The following TTBK2 variants were observed in gnomAD, a reference collection of about 807,000 sequenced individuals.
TTBK2 encodes tau-tubulin kinase 2.
Under a neutral mutation model 110.8 loss-of-function variants are expected in TTBK2, and 28 were observed. The ratio of observed to expected loss-of-function variants is 0.25; its 90% confidence interval spans 0.19 to 0.35. The LOEUF (loss-of-function observed/expected upper bound fraction) is 0.35. Ranked by LOEUF, TTBK2 falls within the 10% of genes least tolerant of loss-of-function variation. The pLI is 1.00. For missense variants in TTBK2, 1,369 were observed against 1,500.3 expected, an observed-to-expected ratio of 0.91 and a Z score of 1.45; for synonymous variants, 532 against 527.3, an observed-to-expected ratio of 1.01 and a Z score of -0.12.
At chr15:42,763,106 A>ACG (rs1567008453) in intron 13 of TTBK2, among the ~76,000 whole-genome samples, 17 of 113,516 alleles carry the variant, frequency 1.5e-4, no homozygotes, top group African/African-American at 5.9e-4. Flanking sequence ...ATATATACGT[A>ACG]TATATATATA....
intron 2 of TTBK2, among the ~76,000 whole-genome samples, chr15:42,875,720 A>C (rs182927223): frequency 6.6e-6 from 1 of 152,210 alleles, no homozygotes; most frequent in Non-Finnish European, 1.5e-5. Flanking sequence ...CAGACTGGCC[A>C]ACATGGCAAA....
In TTBK2 at chr15:42,815,958, A is replaced by AAAAAAATATAT. The variant is rs71108183; in HGVS notation, c.603+1073_603+1074insATATATTTTTT. 8.0e-4 allele frequency among the ~76,000 whole-genome samples: 73 copies of AAAAAAATATAT among 91,694 alleles called. 2 individuals carry two copies. The highest frequency in any genetic ancestry group is 3.5e-3 in the African/African-American group (56 of 16,142). The allele number at this position is 91,694 out of a possible 152,430, so 60.2% of individuals were successfully genotyped here. A position where few individuals can be genotyped will look rare whatever the true frequency, so the allele number is the denominator to read the frequency against. ...TATATATATATATATTTAAAAAAAA[A>AAAAAAATATAT]ATATATATATATATATATATTTGAG... On this transcript the variant is annotated intron_variant, in intron 7 of 14. Transcript: ENST00000267890.
At position 42,743,140 on chromosome 15, in the gene TTBK2, C is replaced by G. The variant is rs2061760634; in HGVS notation, c.*2655G>C. The G allele has an allele frequency of 3.9e-5, 6 of 152,298 alleles. No homozygotes were observed. The South Asian group carries it at 1.2e-3, about 32-fold the overall frequency. 9.4% of individuals were successfully genotyped at this position (152,298 alleles called of 1,614,324 possible). ...TTAGTCTGTTTTCTTTAGAAAGTAT[C>G]AGAGCAGAAACGTCTTTGGTTAATT... On this transcript the variant is annotated 3_prime_UTR_variant, in exon 15 of 15. Coordinates refer to ENST00000267890, the MANE Select transcript of TTBK2 (RefSeq NM_173500.4).
At chr15:42,768,579 A>G (rs949395203) in intron 13 of TTBK2, among the ~76,000 whole-genome samples, 1 of 152,224 alleles carries the variant, frequency 6.6e-6, no homozygotes, top group Admixed American at 6.5e-5. Flanking sequence ...TTCAAGGAGA[A>G]CTACAAACCA....
chr15:42,805,283 T>C (rs1810915564), intron 9 of TTBK2, among the ~76,000 whole-genome samples: 1 of 152,226 alleles, frequency 6.6e-6, no homozygotes, highest in South Asian at 2.1e-4. Flanking sequence ...TGCAAGGCCC[T>C]GGCTCTTAAG....
chr15:42,771,967 T>C (rs911301819), intron 13 of TTBK2, among the ~76,000 whole-genome samples: 1 of 152,138 alleles, frequency 6.6e-6, no homozygotes, highest in Non-Finnish European at 1.5e-5. Flanking sequence ...GCTTGTTCCA[T>C]GGAGTTGCAG....
intron 9 of TTBK2, among the ~76,000 whole-genome samples, chr15:42,797,619 T>C (rs913286205): frequency 6.6e-6 from 1 of 152,196 alleles, no homozygotes; most frequent in South Asian, 2.1e-4. Context: ...CAGATTGGAA[T>C]AGTAGAAACA....
chr15:42,746,963 AT>A lies in TTBK2; in HGVS notation c.3273-707del, dbSNP rs377241095. 6.9e-3 allele frequency among the ~76,000 whole-genome samples: 935 copies of A among 135,190 alleles called. 1 individual carries two copies. Among genetic ancestry groups the A allele is most frequent in the Admixed American group, 9.8e-3 (132 of 13,508 alleles). 88.7% of individuals were successfully genotyped at this position (135,190 alleles called of 152,430 possible). A position where few individuals can be genotyped will look rare whatever the true frequency, so the allele number is the denominator to read the frequency against. The stretch of plus-strand genomic sequence containing the variant: ...ACTGGCAACTGAGCTTGGGCCTCAG[AT>A]TTTTTTTTTTTTTTTTTTTAAACAG... On this transcript the variant is annotated intron_variant, in intron 14 of 14. Transcript: ENST00000267890.
rs778973788 is a variant in TTBK2, at chr15:42,840,341, C to G, written c.291+19G>C. On this transcript the variant is annotated intron_variant, in intron 4 of 14. Coordinates refer to ENST00000267890, the MANE Select transcript of TTBK2 (RefSeq NM_173500.4). Reference sequence around the variant, plus strand: ...ATCAAAACTGAAGAATTTAAAGATACGTTTTCAAGGTAACCTACCTGCAAC... The same window carrying G: ...ATCAAAACTGAAGAATTTAAAGATAGGTTTTCAAGGTAACCTACCTGCAAC... 1.9e-6 allele frequency: 3 copies of G among 1,606,746 alleles called. No individual in the cohort carries two copies. Among genetic ancestry groups the G allele is most frequent in the Admixed American group, 3.3e-5 (2 of 59,970 alleles).
At chr15:42,832,768 C>T (rs962567496) in intron 4 of TTBK2, among the ~76,000 whole-genome samples, 7 of 152,150 alleles carry the variant, frequency 4.6e-5, no homozygotes, top group Non-Finnish European at 8.8e-5. Flanking sequence ...TTTAGTCCAG[C>T]GTATCCACAT....
chr15:42,804,030 A>AAAAAAAAAG (rs1555426199), intron 9 of TTBK2, among the ~76,000 whole-genome samples: 1 of 127,262 alleles, frequency 7.9e-6, no homozygotes, highest in African/African-American at 3.5e-5. Context: ...AAAAAAAAAA[A>AAAAAAAAAG]AGAGAGAGAT....
At chr15:42,891,255 C>A (rs910330104) in intron 1 of TTBK2, among the ~76,000 whole-genome samples, 1 of 149,424 alleles carries the variant, frequency 6.7e-6, no homozygotes, top group African/African-American at 2.5e-5. Flanking sequence ...TAGCTCATTG[C>A]AGCCTCAAAC....
chr15:42,817,091 C>T lies in TTBK2; in HGVS notation c.544G>A (p.Ala182Thr), dbSNP rs777468335. 6.2e-7 allele frequency: 1 copy of T among 1,607,262 alleles called. No individual in the cohort carries two copies. Among genetic ancestry groups the T allele is most frequent in the South Asian group, 1.1e-5 (1 of 90,916 alleles). The part of the protein sequence containing the change: ...NSCGDVRPPR[A>T]VAGFRGTVRY... ...ACTGTCCCTCGAAAACCTGCCACAG[C>T]TCGAGGCTACAACGAAGCCATGCAA... is the stretch of plus-strand genomic sequence containing the variant. The change falls in exon 7 of 15, where the codon GCT becomes ACT. Residue 182 changes from alanine (A) to threonine (T), a missense_variant. Around this residue, in one of 4 missense-constraint regions of TTBK2, gnomAD observed 138 missense variants for 179.0 expected, o/e 0.77. Coordinates refer to ENST00000267890, the MANE Select transcript of TTBK2 (RefSeq NM_173500.4).
intron 11 of TTBK2, among the ~76,000 whole-genome samples, chr15:42,779,039 A>G (rs1268671881): frequency 6.6e-6 from 1 of 152,236 alleles, no homozygotes; most frequent in Non-Finnish European, 1.5e-5. Flanking sequence ...ACTTAAAAAG[A>G]AAAAAACAAT....
intron 3 of TTBK2, chr15:42,854,977 T>C (rs1893870566): frequency 1.3e-5 from 2 of 152,232 alleles, no homozygotes; most frequent in Admixed American, 1.3e-4. Flanking sequence ...AGATACTTTG[T>C]GCTGTTATTT....
At chr15:42,849,218 G>C (rs1893596194) in intron 3 of TTBK2, among the ~76,000 whole-genome samples, 1 of 151,574 alleles carries the variant, frequency 6.6e-6, no homozygotes, top group African/African-American at 2.4e-5. Context: ...CTGTTTTCAA[G>C]TTCACTGAAT....
intron 4 of TTBK2, among the ~76,000 whole-genome samples, chr15:42,835,072 G>A (rs1480046233): frequency 6.6e-6 from 1 of 152,132 alleles, no homozygotes; most frequent in Non-Finnish European, 1.5e-5. Flanking sequence ...TAACCTAATA[G>A]TGAATGTAGT....
chr15:42,809,457 C>CT (rs1891610055), intron 9 of TTBK2, among the ~76,000 whole-genome samples: 1 of 152,168 alleles, frequency 6.6e-6, no homozygotes, highest in African/African-American at 2.4e-5. Context: ...CTAAATTCCC[C>CT]TAAGCAAATT....
At position 42,759,610 on chromosome 15, in the gene TTBK2, C is replaced by T. The variant is rs188871448; in HGVS notation, c.1999-6363G>A. Among the ~76,000 whole-genome samples, 14 of 152,378 alleles carry T rather than the reference C, an allele frequency of 9.2e-5. No individual in the cohort carries two copies. The East Asian group carries it at 2.5e-3, about 27-fold the overall frequency. ...CATACCCAGAAAAACCATGCCAACACTGCCACAAACTCTCACCTTAGGCCA... is the reference window on the plus strand; with the variant it reads ...CATACCCAGAAAAACCATGCCAACATTGCCACAAACTCTCACCTTAGGCCA... On this transcript the variant is annotated intron_variant, in intron 13 of 14. Coordinates refer to ENST00000267890, the MANE Select transcript of TTBK2 (RefSeq NM_173500.4).
Sources: gnomAD v4.1 joint callset for allele counts (sites outside exome capture counted in the v4.1 genomes callset) on GRCh38, gnomAD v4.1.1 for gene constraint, gnomAD v4.1.1 regional missense constraint, MANE v1.5 for transcripts, NCBI Gene and HGNC (gene_info 2026-07-23, HGNC 2026-07-21) for gene names.